GALNT13: variants seen among roughly 807,000 people sequenced by gnomAD.
GALNT13 encodes the protein UDP-GalNAc:polypeptide N-acetylgalactosaminyltransferase 13.
In GALNT13, 28 loss-of-function variants were observed where a neutral mutation model predicts 64.2. The observed-to-expected ratio is 0.44, with a 90% CI of 0.32 to 0.60. GALNT13 has a LOEUF of 0.60. Ranked by LOEUF, GALNT13 falls within the 20% of genes least tolerant of loss-of-function variation. GALNT13 has a pLI of 0.05. For synonymous variants in GALNT13, 214 were observed against 224.6 expected (o/e 0.95, Z 0.42); for missense variants, 577 against 669.8 (o/e 0.86, Z 1.53).
intron 9 of GALNT13, among the ~76,000 whole-genome samples, chr2:154,304,294 A>G (rs1181053282): frequency 1.3e-5 from 2 of 152,242 alleles, no homozygotes; most frequent in Non-Finnish European, 2.9e-5. Flanking sequence ...CCATATGTTC[A>G]GAGTTGAATT....
At chr2:153,532,544 A>G in the GALNT13 span, among the ~76,000 whole-genome samples, 1 of 152,130 alleles carries the variant, frequency 6.6e-6, no homozygotes, top group Non-Finnish European at 1.5e-5. Flanking sequence ...TACTTATGCA[A>G]ATTTCTGCAG....
chr2:153,831,939 T>C, the GALNT13 span, among the ~76,000 whole-genome samples: 5 of 152,170 alleles, frequency 3.3e-5, no homozygotes, highest in Non-Finnish European at 7.3e-5. Context: ...TTGTTGTTTG[T>C]GTGTGTGGGC....
intron 4 of GALNT13, among the ~76,000 whole-genome samples, chr2:154,205,270 A>G (rs1481208429): frequency 6.6e-6 from 1 of 152,164 alleles, no homozygotes; most frequent in Non-Finnish European, 1.5e-5. Context: ...ACTTTTACCT[A>G]AAGAAGCATT....
At chr2:153,556,055 C>T in the GALNT13 span, among the ~76,000 whole-genome samples, 2 of 152,116 alleles carry the variant, frequency 1.3e-5, no homozygotes, top group Non-Finnish European at 1.5e-5. Context: ...GCAATTATAG[C>T]AAAATAACTT....
At chr2:154,394,733 C>T (rs566014362) in intron 9 of GALNT13, among the ~76,000 whole-genome samples, 1 of 152,230 alleles carries the variant, frequency 6.6e-6, no homozygotes, top group African/African-American at 2.4e-5. Context: ...AGAATTATTT[C>T]GAAAGCAAAT....
chr2:154,340,684 A>G (rs901282267), intron 9 of GALNT13, among the ~76,000 whole-genome samples: 1 of 152,156 alleles, frequency 6.6e-6, no homozygotes, highest in Admixed American at 6.6e-5. Context: ...TCATATGACA[A>G]AGTCCATGGG....
chr2:154,013,981 G>C (rs1696823858), intron 3 of GALNT13, among the ~76,000 whole-genome samples: 1 of 152,312 alleles, frequency 6.6e-6, no homozygotes, highest in African/African-American at 2.4e-5. Flanking sequence ...GAAGCACCCT[G>C]GTTAGGCATT....
At chr2:153,676,084 T>C in the GALNT13 span, among the ~76,000 whole-genome samples, 266 of 152,098 alleles carry the variant, frequency 1.7e-3, no homozygotes, top group Non-Finnish European at 3.2e-3. Flanking sequence ...AATTAGTTTT[T>C]TGAAAGATCA....
chr2:153,803,427 T>G, the GALNT13 span, among the ~76,000 whole-genome samples: 7 of 152,208 alleles, frequency 4.6e-5, 1 homozygote, highest in South Asian at 1.2e-3. Flanking sequence ...GCGCGGTGTC[T>G]TATGCCTGTA....
chr2:154,347,281 T>C (rs959725459), intron 9 of GALNT13, among the ~76,000 whole-genome samples: 1 of 152,166 alleles, frequency 6.6e-6, no homozygotes, highest in Non-Finnish European at 1.5e-5. Context: ...CCTTAGTATA[T>C]TGATTATCAA....
At chr2:154,403,708 A>T (rs1412247161) in intron 10 of GALNT13, among the ~76,000 whole-genome samples, 1 of 152,102 alleles carries the variant, frequency 6.6e-6, no homozygotes, top group Admixed American at 6.5e-5. Flanking sequence ...CAGGCCTAAT[A>T]CCAGGTTGCC....
chr2:154,102,967 C>G (rs1702425219), intron 3 of GALNT13, among the ~76,000 whole-genome samples: 2 of 152,048 alleles, frequency 1.3e-5, no homozygotes, highest in South Asian at 2.1e-4. Flanking sequence ...CTTTGGTTTT[C>G]CATTTCTGAT....
intron 4 of GALNT13, among the ~76,000 whole-genome samples, chr2:154,147,321 A>G (rs1683666674): frequency 1.3e-5 from 2 of 150,370 alleles, no homozygotes; most frequent in Admixed American, 6.7e-5. Context: ...ATACATATAT[A>G]TGTATTTGAA....
chr2:153,293,830 T>C, the GALNT13 span, among the ~76,000 whole-genome samples: 1 of 151,890 alleles, frequency 6.6e-6, no homozygotes, highest in African/African-American at 2.4e-5. Context: ...TTTTACTCTG[T>C]ATCTAGGCTG....
At chr2:153,109,770 T>A in the GALNT13 span, among the ~76,000 whole-genome samples, 2 of 152,120 alleles carry the variant, frequency 1.3e-5, no homozygotes, top group Non-Finnish European at 2.9e-5. Context: ...TCTTTTAAAG[T>A]GTTAAAAATA....
chr2:153,811,934 A>G, the GALNT13 span, among the ~76,000 whole-genome samples: 2 of 152,246 alleles, frequency 1.3e-5, no homozygotes. Context: ...TAATAAACAT[A>G]TAGCAAACTG....
intron 2 of GALNT13, among the ~76,000 whole-genome samples, chr2:153,915,946 G>A (rs1302508209): frequency 1.3e-5 from 2 of 152,140 alleles, no homozygotes; most frequent in African/African-American, 4.8e-5. Flanking sequence ...ACGTAGTGTT[G>A]TAGCTGCACA....
chr2:153,198,211 G>T, the GALNT13 span, among the ~76,000 whole-genome samples: 2 of 152,126 alleles, frequency 1.3e-5, no homozygotes, highest in African/African-American at 2.4e-5. Flanking sequence ...GTTGCCTGTT[G>T]CTCAGTGGGT....
At chr2:153,800,045 G>GTTCTCT in the GALNT13 span, among the ~76,000 whole-genome samples, 1 of 118,930 alleles carries the variant, frequency 8.4e-6, no homozygotes, top group African/African-American at 3.1e-5. Context: ...CATTTAGTTT[G>GTTCTCT]CTCTCTCTCT....
Sources: allele counts gnomAD v4.1 joint callset (sites outside exome capture counted in the v4.1 genomes callset), GRCh38; gene constraint gnomAD v4.1.1; transcripts MANE v1.5; gene names NCBI Gene and HGNC (gene_info 2026-07-23, HGNC 2026-07-21).